LARGE1: variants seen among roughly 807,000 people sequenced by gnomAD.
The protein encoded by LARGE1 is xylosyl- and glucuronyltransferase LARGE1.
A neutral mutation model predicts 87.6 loss-of-function variants in LARGE1; 43 were observed. The observed-to-expected ratio is 0.49, with a 90% confidence interval of 0.38 to 0.63. The LOEUF is 0.63. LARGE1 is among the 30% of genes least tolerant of loss of function. LARGE1 has a pLI of 0.00. For missense variants in LARGE1, 802 were observed against 1,000.2 expected, an observed-to-expected ratio of 0.80 and a Z score of 2.67; for synonymous variants, 434 against 394.6, an observed-to-expected ratio of 1.10 and a Z score of -1.18.
intron 1 of LARGE1, among the ~76,000 whole-genome samples, chr22:33,774,402 G>A (rs373802775): frequency 1.1e-3 from 164 of 152,138 alleles, no homozygotes; most frequent in African/African-American, 3.8e-3. Context: ...TGTGGCCCAG[G>A]CTGGAGTGCA....
chr22:33,509,325 T>A (rs763025587), intron 6 of LARGE1, among the ~76,000 whole-genome samples: 65 of 152,128 alleles, frequency 4.3e-4, no homozygotes, highest in Non-Finnish European at 7.8e-4. Flanking sequence ...TCTCCCCATC[T>A]CATCTGTCTC....
At chr22:33,821,151 T>G (rs1404415092) in intron 1 of LARGE1, among the ~76,000 whole-genome samples, 1 of 152,218 alleles carries the variant, frequency 6.6e-6, no homozygotes, top group Non-Finnish European at 1.5e-5. Context: ...GCTTCATGGC[T>G]GGCAGATGTT....
chr22:33,466,731 A>C (rs941285708), intron 6 of LARGE1, among the ~76,000 whole-genome samples: 14 of 148,710 alleles, frequency 9.4e-5, no homozygotes, highest in African/African-American at 3.3e-4. Context: ...CACACACTAC[A>C]CACACACACC....
chr22:33,419,772 C>A (rs1484266091), intron 7 of LARGE1, among the ~76,000 whole-genome samples: 2 of 152,262 alleles, frequency 1.3e-5, no homozygotes, highest in African/African-American at 4.8e-5. Context: ...CTCACTGCAG[C>A]CTCTGCCTCC....
At chr22:33,122,849 C>G in the LARGE1 span, among the ~76,000 whole-genome samples, 1 of 152,166 alleles carries the variant, frequency 6.6e-6, no homozygotes, top group African/African-American at 2.4e-5. Flanking sequence ...GATTTTTCCA[C>G]CATCTCTGTC....
chr22:33,676,366 C>A, intron 2 of LARGE1, among the ~76,000 whole-genome samples: 2 of 40,726 alleles, frequency 4.9e-5, no homozygotes, highest in African/African-American at 7.6e-5. Context: ...GTTACAGATT[C>A]AATGGCAAAA....
chr22:33,660,515 C>G (rs1318484640), intron 2 of LARGE1, among the ~76,000 whole-genome samples: 1 of 152,324 alleles, frequency 6.6e-6, no homozygotes, highest in South Asian at 2.1e-4. Context: ...GCCTCTGCCC[C>G]CAGTTAGCCC....
intron 11 of LARGE1, among the ~76,000 whole-genome samples, chr22:33,171,410 A>G (rs1334162029): frequency 2.0e-5 from 3 of 152,200 alleles, no homozygotes; most frequent in Admixed American, 6.5e-5. Flanking sequence ...TAGCCAAGAC[A>G]ATGAGGAAAA....
At chr22:33,607,812 G>GA (rs2079310190) in intron 4 of LARGE1, among the ~76,000 whole-genome samples, 1 of 152,138 alleles carries the variant, frequency 6.6e-6, no homozygotes, top group Admixed American at 6.6e-5. Context: ...CTGAATAAAC[G>GA]AATCAAAAAG....
chr22:33,292,276 G>A (rs893878949), intron 12 of LARGE1, among the ~76,000 whole-genome samples: 1 of 152,050 alleles, frequency 6.6e-6, no homozygotes, highest in African/African-American at 2.4e-5. Context: ...ACCACAAAAC[G>A]AACTAGGACA....
chr22:33,686,940 G>A (rs1439286561), intron 2 of LARGE1, among the ~76,000 whole-genome samples: 2 of 152,184 alleles, frequency 1.3e-5, no homozygotes, highest in Non-Finnish European at 2.9e-5. Flanking sequence ...CACTGCACTT[G>A]GAACAAAGCT....
intron 2 of LARGE1, among the ~76,000 whole-genome samples, chr22:33,682,785 G>A (rs1230142010): frequency 3.3e-5 from 5 of 152,192 alleles, no homozygotes; most frequent in African/African-American, 1.2e-4. Context: ...CAGGCACTCT[G>A]CTGTGAGCTT....
intron 1 of LARGE1, among the ~76,000 whole-genome samples, chr22:33,843,721 T>G (rs548068510): frequency 1.5e-3 from 230 of 152,036 alleles, no homozygotes; most frequent in African/African-American, 5.3e-3. Flanking sequence ...TAAAAGAAGT[T>G]TAAAGGCCAC....
the LARGE1 span, among the ~76,000 whole-genome samples, chr22:33,130,340 A>AAAAAAAAAAAAAAAAAAAAAG: frequency 7.3e-6 from 1 of 137,504 alleles, no homozygotes; most frequent in African/African-American, 2.7e-5. Flanking sequence ...AAAAAAAAAA[A>AAAAAAAAAAAAAAAAAAAAAG]ATTAGCAGGC....
At chr22:33,077,675 T>C in the LARGE1 span, among the ~76,000 whole-genome samples, 1 of 152,220 alleles carries the variant, frequency 6.6e-6, no homozygotes. Context: ...ACAATTAGCA[T>C]GTAGATCCTA....
chr22:33,574,766 G>A (rs982583991), intron 5 of LARGE1, among the ~76,000 whole-genome samples: 5 of 149,884 alleles, frequency 3.3e-5, no homozygotes, highest in Admixed American at 1.3e-4. Context: ...TACACTTAAT[G>A]AAAAAGCTTA....
intron 2 of LARGE1, among the ~76,000 whole-genome samples, chr22:33,714,782 C>T (rs1444284493): frequency 6.6e-6 from 1 of 152,186 alleles, no homozygotes; most frequent in African/African-American, 2.4e-5. Context: ...TCAAACCCCA[C>T]TCTGCTCCAT....
intron 5 of LARGE1, among the ~76,000 whole-genome samples, chr22:33,581,024 T>C (rs955931871): frequency 6.6e-6 from 1 of 152,220 alleles, no homozygotes; most frequent in Non-Finnish European, 1.5e-5. Context: ...GTAATAAGAA[T>C]GCATGTGCAG....
the LARGE1 span, among the ~76,000 whole-genome samples, chr22:33,068,442 G>A: frequency 1.3e-5 from 2 of 152,078 alleles, no homozygotes; most frequent in African/African-American, 2.4e-5. Context: ...TCAGGAGATC[G>A]AGACCATCCT....
Sources: gnomAD v4.1 joint callset for allele counts (sites outside exome capture counted in the v4.1 genomes callset) on GRCh38, gnomAD v4.1.1 for gene constraint, MANE v1.5 for transcripts, NCBI Gene and HGNC (gene_info 2026-07-23, HGNC 2026-07-21) for gene names.